KLHL18: variants seen among roughly 807,000 people sequenced by gnomAD.
The protein encoded by KLHL18 is kelch like family member 18.
Under a neutral mutation model 58.5 loss-of-function variants are expected in KLHL18, and 38 were observed. The ratio of observed to expected loss-of-function variants is 0.65; its 90% CI spans 0.50 to 0.85. The LOEUF is 0.85. KLHL18 is among the 40% of genes least tolerant of loss of function. The pLI is 0.00. For missense variants in KLHL18, 624 were observed against 778.4 expected (o/e 0.80, Z 2.36); for synonymous variants, 303 against 301.9 (o/e 1.00, Z -0.04).
intron 1 of KLHL18, among the ~76,000 whole-genome samples, chr3:47,284,196 C>T (rs892658692): frequency 2.6e-5 from 4 of 152,032 alleles, no homozygotes; most frequent in Non-Finnish European, 4.4e-5. Flanking sequence ...CACACCACTG[C>T]ACTCCAGCCT....
chr3:47,317,244 C>A (rs1438549560), intron 1 of KLHL18, among the ~76,000 whole-genome samples: 2 of 152,128 alleles, frequency 1.3e-5, no homozygotes, highest in African/African-American at 4.8e-5. Flanking sequence ...CCTCGGGTAG[C>A]TGGAATTACA....
At chr3:47,332,928 C>G (rs1303113386) in intron 4 of KLHL18, among the ~76,000 whole-genome samples, 3 of 152,008 alleles carry the variant, frequency 2.0e-5, no homozygotes, top group Non-Finnish European at 4.4e-5. Context: ...TAATAAGATG[C>G]CATTGATGAT....
At chr3:47,286,735 A>G (rs1702683965) in intron 1 of KLHL18, among the ~76,000 whole-genome samples, 1 of 152,216 alleles carries the variant, frequency 6.6e-6, no homozygotes, top group African/African-American at 2.4e-5. Flanking sequence ...GGATGTGTTC[A>G]AAGTCCGTAG....
At chr3:47,320,278 C>T (rs295431) in intron 2 of KLHL18, among the ~76,000 whole-genome samples, 145,945 of 152,268 alleles carry the variant, frequency 0.96, 70,260 homozygotes, top group East Asian at 1. Flanking sequence ...ATTGAGCACT[C>T]GAAATACGAC....
At chr3:47,323,606 C>A (rs551987066) in intron 3 of KLHL18, among the ~76,000 whole-genome samples, 1 of 152,212 alleles carries the variant, frequency 6.6e-6, no homozygotes, top group Non-Finnish European at 1.5e-5. Context: ...CTCCCTCCCC[C>A]TCAAGAGCCA....
At chr3:47,318,159 G>A (rs1202858295) in intron 1 of KLHL18, among the ~76,000 whole-genome samples, 2 of 152,206 alleles carry the variant, frequency 1.3e-5, no homozygotes, top group African/African-American at 2.4e-5. Context: ...GCCACCCTGC[G>A]TCCGGCCCAA....
intron 1 of KLHL18, 106 bp from the exon 2 acceptor site, chr3:47,319,547 G>C: frequency 4.0e-6 from 5 of 1,248,198 alleles, no homozygotes. Context: ...AGTGGGCAGT[G>C]GGGTATGCTG....
intron 1 of KLHL18, among the ~76,000 whole-genome samples, chr3:47,293,558 G>GGTACATATTTAGGAGA (rs1298952484): frequency 6.6e-6 from 1 of 152,182 alleles, no homozygotes; most frequent in Non-Finnish European, 1.5e-5. Flanking sequence ...CCTTCTAAGA[G>GGTACATATTTAGGAGA]GTACATATTT....
intron 4 of KLHL18, among the ~76,000 whole-genome samples, chr3:47,332,640 A>G (rs1166263565): frequency 6.6e-6 from 1 of 152,082 alleles, no homozygotes; most frequent in Non-Finnish European, 1.5e-5. Context: ...GATACATTTC[A>G]TAAGGGCTGT....
At chr3:47,288,075 G>T (rs1702714332) in intron 1 of KLHL18, among the ~76,000 whole-genome samples, 1 of 151,892 alleles carries the variant, frequency 6.6e-6, no homozygotes, top group Admixed American at 6.6e-5. Context: ...ACAAAAATTA[G>T]CTGGACATGC....
At position 47,322,625 on chromosome 3, in the gene KLHL18, A is replaced by G. The variant is rs1181863981; in HGVS notation, c.318A>G (p.Gln106=). 4 of 1,605,202 alleles carry G rather than the reference A, an allele frequency of 2.5e-6. No homozygotes were observed. The African/African-American group carries it at 4.0e-5, about 16-fold the overall frequency. ...ACGGCAACCTTGCCATTGACCAGCA[A>G]AATGTCCAGTCATTGCTGATGGGGG... ...AYNGNLAIDQ[Q]NVQSLLMGAS... Residue 106 remains glutamine, a synonymous_variant, in exon 3 of 10, where the codon CAA becomes CAG. Coordinates refer to ENST00000232766, the MANE Select transcript of KLHL18 (RefSeq NM_025010.5).
chr3:47,336,633 G>A lies in KLHL18; in HGVS notation c.997G>A (p.Val333Met). 4.3e-6 allele frequency: 7 copies of A among 1,614,280 alleles called. No homozygotes were observed. The highest frequency in any genetic ancestry group is 4.2e-6 in the Non-Finnish European group (5 of 1,180,050). ...AGCCCGCAGCCGCGTTGGCGTGGCT[G>A]TGGTGAACGGGCTTCTCTATGCCAT... ...TTARSRVGVAVVNGLLYAIGG... is the reference protein window; with the variant it reads ...TTARSRVGVAMVNGLLYAIGG... Residue 333 changes from valine to methionine, a missense_variant, in exon 7 of 10, where the codon GTG (valine) becomes ATG (methionine). Val to Met is a conservative substitution (Grantham distance 21). Transcript: ENST00000232766.
chr3:47,290,186 T>C (rs1200592760), intron 1 of KLHL18, among the ~76,000 whole-genome samples: 1 of 152,200 alleles, frequency 6.6e-6, no homozygotes, highest in Admixed American at 6.5e-5. Flanking sequence ...CTGCTGATGG[T>C]ATGAAGCATA....
At position 47,334,022 on chromosome 3, in the gene KLHL18, C is replaced by G. The variant is rs988155624; in HGVS notation, c.762-661C>G. Among the ~76,000 whole-genome samples the G allele has an allele frequency of 1.3e-5, 2 of 152,166 alleles. No homozygotes were observed. Among genetic ancestry groups the G allele is most frequent in the African/African-American group, 2.4e-5 (1 of 41,432 alleles). ...CACACATTCAGCTTTCTTTCATTTT[C>G]CAACTCCTGGTTGGGATCAGCTGGT... On this transcript the variant is annotated intron_variant, in intron 5 of 9. Transcript: ENST00000232766. The surrounding 1 kb of genome is among the most constrained non-coding windows in gnomAD (Gnocchi z 4.7).
chr3:47,324,687 A>G (rs1324464619), intron 3 of KLHL18, among the ~76,000 whole-genome samples: 1 of 151,942 alleles, frequency 6.6e-6, no homozygotes. Flanking sequence ...AAATTTTTTT[A>G]ATTAGTCAAG....
intron 1 of KLHL18, 63 bp downstream of exon 1, chr3:47,283,157 CG>C (rs1361943215): frequency 3.6e-6 from 3 of 829,258 alleles, no homozygotes; most frequent in African/African-American, 5.1e-5. Context: ...TAAAAAGGGG[CG>C]GGGGACAGAG....
intron 1 of KLHL18, among the ~76,000 whole-genome samples, chr3:47,285,628 G>C (rs1056751349): frequency 4.6e-5 from 7 of 152,246 alleles, no homozygotes; most frequent in Admixed American, 4.6e-4. Flanking sequence ...GAATCAAAAA[G>C]GGCGTGGCAG....
chr3:47,293,221 T>C (rs1413546041), intron 1 of KLHL18, among the ~76,000 whole-genome samples: 1 of 152,222 alleles, frequency 6.6e-6, no homozygotes. Context: ...GGTTGTAGAA[T>C]GTACTTAATG....
chr3:47,321,601 C>T (rs1283085649), intron 2 of KLHL18, among the ~76,000 whole-genome samples: 1 of 152,132 alleles, frequency 6.6e-6, no homozygotes, highest in Non-Finnish European at 1.5e-5. Flanking sequence ...CCGCCCGCCT[C>T]GGCCTCTTAA....
Sources: gnomAD v4.1 joint callset for allele counts (sites outside exome capture counted in the v4.1 genomes callset) on GRCh38, gnomAD v4.1.1 for gene constraint, Gnocchi (gnomAD v3.1) non-coding constraint, MANE v1.5 for transcripts, NCBI Gene and HGNC (gene_info 2026-07-23, HGNC 2026-07-21) for gene names.